DOCK4: variants seen among roughly 807,000 people sequenced by gnomAD.
DOCK4 encodes dedicator of cytokinesis protein 4.
In DOCK4, 97 loss-of-function variants were observed where a neutral mutation model predicts 268.1. The ratio of observed to expected loss-of-function variants is 0.36; its 90% CI spans 0.31 to 0.43. DOCK4 has a LOEUF of 0.43. Ranked by LOEUF, DOCK4 falls within the 20% of genes least tolerant of loss-of-function variation. The probability of loss-of-function intolerance (pLI) is 1.00; values close to 1 mark genes in which losing one functional copy is unlikely to be tolerated. For missense variants in DOCK4, 2,145 were observed against 2,455.7 expected, an observed-to-expected ratio of 0.87 and a Z score of 2.67; for synonymous variants, 954 against 887.2, an observed-to-expected ratio of 1.08 and a Z score of -1.34.
intron 44 of DOCK4, among the ~76,000 whole-genome samples, chr7:111,744,350 T>C (rs1796125760): frequency 6.6e-6 from 1 of 152,150 alleles, no homozygotes; most frequent in Non-Finnish European, 1.5e-5. Flanking sequence ...TGAACTACTT[T>C]GCAGAGGTCC....
chr7:111,782,646 T>C (rs1401798407), intron 35 of DOCK4, among the ~76,000 whole-genome samples: 1 of 152,190 alleles, frequency 6.6e-6, no homozygotes, highest in African/African-American at 2.4e-5. Flanking sequence ...CTGTGGGGAA[T>C]GCAGGGGATG....
intron 1 of DOCK4, among the ~76,000 whole-genome samples, chr7:112,132,433 T>C (rs1044327124): frequency 7.2e-5 from 11 of 152,154 alleles, no homozygotes; most frequent in African/African-American, 2.7e-4. Context: ...CATCCCAGCC[T>C]TGTGGCAGCT....
intron 1 of DOCK4, among the ~76,000 whole-genome samples, chr7:112,146,664 T>C (rs997670110): frequency 6.6e-6 from 1 of 152,048 alleles, no homozygotes; most frequent in African/African-American, 2.4e-5. Context: ...TCTGGGGAGG[T>C]TAAGGATGCA....
intron 25 of DOCK4, among the ~76,000 whole-genome samples, chr7:111,840,409 G>A (rs968846917): frequency 2.0e-5 from 3 of 152,224 alleles, no homozygotes; most frequent in Middle Eastern, 3.4e-3. Flanking sequence ...TAAATTGTAA[G>A]GAACTCTGGA....
rs557217842 is a variant in DOCK4 at position 111,778,114 on chromosome 7, T to C, written c.3679+162A>G. Among the ~76,000 whole-genome samples, 13 of 152,366 alleles carry C rather than the reference T, an allele frequency of 8.5e-5. No individual in the cohort carries two copies. In the South Asian group the frequency reaches 2.7e-3, roughly 32 times the overall value. ...AACCTACATGTATGTATCATGTATA[T>C]GATATATATAGAATCTGCAGAAATA... On this transcript the variant is annotated intron_variant, in intron 36 of 52. Coordinates refer to ENST00000428084, the MANE Select transcript of DOCK4 (RefSeq NM_001363540.2).
chr7:111,836,343 T>G (rs2134035477), intron 25 of DOCK4, among the ~76,000 whole-genome samples: 1 of 152,082 alleles, frequency 6.6e-6, no homozygotes, highest in South Asian at 2.1e-4. Flanking sequence ...ACCTCACAAA[T>G]TTCAAAAGCA....
At chr7:111,930,041 G>C (rs1030995589) in intron 12 of DOCK4, among the ~76,000 whole-genome samples, 1 of 152,104 alleles carries the variant, frequency 6.6e-6, no homozygotes, top group African/African-American at 2.4e-5. Flanking sequence ...TATCAGAGGT[G>C]AAATTTATAA....
At chr7:111,991,169 AGT>A (rs1241004449) in intron 5 of DOCK4, among the ~76,000 whole-genome samples, 2 of 152,038 alleles carry the variant, frequency 1.3e-5, no homozygotes. Context: ...CTAGTACTTA[AGT>A]TTAAGAGAAC....
At chr7:112,193,877 C>G (rs1820187315) in intron 1 of DOCK4, among the ~76,000 whole-genome samples, 1 of 151,998 alleles carries the variant, frequency 6.6e-6, no homozygotes, top group African/African-American at 2.4e-5. Flanking sequence ...CTGGTGAGGA[C>G]TCTCTTCCTG....
chr7:111,956,816 G>A (rs1796486657), intron 8 of DOCK4, among the ~76,000 whole-genome samples: 1 of 152,094 alleles, frequency 6.6e-6, no homozygotes, highest in East Asian at 1.9e-4. Flanking sequence ...CTAGGTGCAT[G>A]CCCTTAACCT....
intron 1 of DOCK4, among the ~76,000 whole-genome samples, chr7:112,100,692 A>G (rs1370769784): frequency 6.6e-5 from 10 of 152,258 alleles, no homozygotes. Context: ...GATTAGACTC[A>G]GAGCTCAGTG....
At chr7:112,029,725 T>A (rs1029840823) in intron 1 of DOCK4, among the ~76,000 whole-genome samples, 10 of 152,118 alleles carry the variant, frequency 6.6e-5, no homozygotes, top group African/African-American at 1.9e-4. Flanking sequence ...ACTCACTGGG[T>A]GGTTTGTTTG....
At position 111,809,315 on chromosome 7, in the gene DOCK4, T is replaced by G; in HGVS notation, c.3093A>C (p.Lys1031Asn). ...CTGATACTTACTTTTCTAACACCTT[T>G]TTCTTCTTGGAAGGTGTGAACATCT... Reference protein sequence around the residue: ...QLEMFTPSKKKKVLEKYGDMR... With the variant: ...QLEMFTPSKKNKVLEKYGDMR... The change falls in exon 29 of 53, where the codon AAA becomes AAC. Residue 1031 changes from lysine to asparagine, a missense_variant. Coordinates refer to ENST00000428084, the MANE Select transcript of DOCK4 (RefSeq NM_001363540.2). 6.4e-7 allele frequency: 1 copy of G among 1,558,724 alleles called. No individual in the cohort carries two copies. Among genetic ancestry groups the G allele is most frequent in the Non-Finnish European group, 8.7e-7 (1 of 1,149,758 alleles).
At chr7:112,074,680 C>T (rs1469087010) in intron 1 of DOCK4, among the ~76,000 whole-genome samples, 1 of 152,216 alleles carries the variant, frequency 6.6e-6, no homozygotes, top group Non-Finnish European at 1.5e-5. Flanking sequence ...AAGCAGTTCT[C>T]TCTAGCAGCA....
At chr7:112,021,594 A>G (rs1055427024) in intron 1 of DOCK4, among the ~76,000 whole-genome samples, 2 of 152,226 alleles carry the variant, frequency 1.3e-5, no homozygotes, top group Non-Finnish European at 2.9e-5. Context: ...GCCGAAGCAC[A>G]GTATTTCATC....
At chr7:111,776,879 G>C (rs1217662770) in intron 36 of DOCK4, among the ~76,000 whole-genome samples, 1 of 152,128 alleles carries the variant, frequency 6.6e-6, no homozygotes, top group African/African-American at 2.4e-5. Context: ...GGAGTGCAGT[G>C]GTGCAATTTT....
At chr7:111,912,876 A>C (rs190419069) in intron 13 of DOCK4, among the ~76,000 whole-genome samples, 2 of 152,044 alleles carry the variant, frequency 1.3e-5, no homozygotes, top group Non-Finnish European at 2.9e-5. Context: ...TTGCTTTTAA[A>C]CTTCAAAAGT....
intron 13 of DOCK4, among the ~76,000 whole-genome samples, chr7:111,905,982 T>C (rs1791537745): frequency 6.6e-6 from 1 of 152,132 alleles, no homozygotes; most frequent in Non-Finnish European, 1.5e-5. Context: ...TAAATTATCA[T>C]ATCAACTTTA....
chr7:111,950,744 C>T (rs577100119), intron 8 of DOCK4, among the ~76,000 whole-genome samples: 18 of 152,282 alleles, frequency 1.2e-4, no homozygotes, highest in East Asian at 1.9e-4. Context: ...CGACCTGACT[C>T]GAGATTCTCA....
Sources: allele counts gnomAD v4.1 joint callset (sites outside exome capture counted in the v4.1 genomes callset), GRCh38; gene constraint gnomAD v4.1.1; transcripts MANE v1.5; gene names NCBI Gene and HGNC (gene_info 2026-07-23, HGNC 2026-07-21).